IL17RD: variants seen among roughly 807,000 people sequenced by gnomAD.
IL17RD encodes the protein interleukin-17 receptor D.
A neutral mutation model predicts 80.5 loss-of-function variants in IL17RD; 52 were observed. That is an observed-to-expected ratio of 0.65 (90% confidence interval 0.52 to 0.81). The LOEUF (loss-of-function observed/expected upper bound fraction) is 0.81, where lower values mean the gene tolerates loss of function less well. Among genes scored for constraint, IL17RD ranks in the 40% least tolerant of loss-of-function variants. IL17RD has a pLI of 0.00. For synonymous variants in IL17RD, 416 were observed against 391.8 expected (o/e 1.06, Z -0.73); for missense variants, 1,024 against 955.1 (o/e 1.07, Z -0.95).
intron 1 of IL17RD, among the ~76,000 whole-genome samples, chr3:57,163,792 G>T (rs1480367379): frequency 2.3e-5 from 2 of 88,642 alleles, no homozygotes; most frequent in African/African-American, 1.4e-4. Context: ...GGGCGGGGGG[G>T]CGGGGGGGGA....
upstream of IL17RD, among the ~76,000 whole-genome samples, chr3:57,167,997 A>AT (rs2060355241): frequency 1.3e-5 from 2 of 151,940 alleles, no homozygotes; most frequent in African/African-American, 4.8e-5. Context: ...CACCCAGCTA[A>AT]TTTTTTGTAT....
intron 1 of IL17RD, among the ~76,000 whole-genome samples, chr3:57,152,156 G>A (rs574758623): frequency 3.6e-4 from 55 of 152,202 alleles, no homozygotes; most frequent in African/African-American, 1.3e-3. Context: ...TGTGACCAGA[G>A]CAAACGAGAC....
intron 1 of IL17RD, among the ~76,000 whole-genome samples, chr3:57,159,538 C>T (rs1449662191): frequency 6.6e-6 from 1 of 152,220 alleles, no homozygotes; most frequent in Non-Finnish European, 1.5e-5. Flanking sequence ...CCATTCAGAA[C>T]ATCCAAGCAG....
intron 1 of IL17RD, among the ~76,000 whole-genome samples, chr3:57,145,883 A>G (rs1218645960): frequency 6.6e-6 from 1 of 152,218 alleles, no homozygotes; most frequent in Non-Finnish European, 1.5e-5. Flanking sequence ...AGTGACCTCA[A>G]TGAGACAGCC....
chr3:57,098,157 G>C lies in IL17RD; in HGVS notation c.1546C>G (p.His516Asp), dbSNP rs1429007553. Reference sequence around the variant, plus strand: ...TGCTGCCCCGGCTCCTGGAGGCCGTGGTCTCGGGAGTGCAAGTGGGAACAG... The same window carrying C: ...TGCTGCCCCGGCTCCTGGAGGCCGTCGTCTCGGGAGTGCAAGTGGGAACAG... ...QLCSHLHSRD[H>D]GLQEPGQHTR... is the part of the protein sequence containing the mutation. Residue 516 changes from histidine to aspartate, a missense_variant, in exon 12 of 13, where the codon CAC becomes GAC. By Grantham distance (81) the His-to-Asp change is moderately conservative. Coordinates refer to ENST00000296318, the MANE Select transcript of IL17RD (RefSeq NM_017563.5). The C allele has an allele frequency of 1.9e-6, 3 of 1,613,884 alleles. No individual in the cohort carries two copies. The highest frequency in any genetic ancestry group is 2.5e-6 in the Non-Finnish European group (3 of 1,179,890).
Position 57,097,604 on chromosome 3 carries a change from G to A in IL17RD, c.2099C>T (p.Ser700Leu), listed in dbSNP as rs1269963026. 1 of 1,573,116 alleles carries A rather than the reference G, an allele frequency of 6.4e-7. No individual in the cohort carries two copies. The highest frequency in any genetic ancestry group is 8.6e-7 in the Non-Finnish European group (1 of 1,159,438). The change falls in exon 12 of 13, where the codon TCA becomes TTA. Residue 700 changes from serine to leucine, a missense_variant. Transcript: ENST00000296318. ...CCCCAAAGGCACCTTACCCAGGCCT[G>A]AAGAGGAGGACACGCTCTCCGTCAG... is the stretch of plus-strand genomic sequence containing the variant. ...SSLTESVSSS[S>L]GLGEEEPPAL...
Position 57,165,311 on chromosome 3 carries a change from C to G in IL17RD, c.-25G>C, listed in dbSNP as rs1236948928. On this transcript the variant is annotated 5_prime_UTR_variant, in exon 1 of 13. Transcript: ENST00000296318. ...TGGCCGTGCGCTCGCCCAGCCAGGC[C>G]GTTCTCTGCGCCCCGGCCGCCCGCC... is the stretch of plus-strand genomic sequence containing the variant. The G allele has an allele frequency of 2.7e-5, 37 of 1,368,138 alleles. No individual in the cohort carries two copies. Among genetic ancestry groups the G allele is most frequent in the South Asian group, 3.5e-5 (2 of 57,664 alleles). 84.7% of individuals were successfully genotyped at this position (1,368,138 alleles called of 1,614,324 possible).
chr3:57,147,427 C>T (rs796624318), intron 1 of IL17RD, among the ~76,000 whole-genome samples: 1 of 152,212 alleles, frequency 6.6e-6, no homozygotes, highest in Non-Finnish European at 1.5e-5. Context: ...TCTCAAAACA[C>T]AATTCCTCCC....
upstream of IL17RD, among the ~76,000 whole-genome samples, chr3:57,166,504 AAAAC>A (rs6147832): frequency 0.018 from 2,747 of 150,922 alleles, 86 homozygotes; most frequent in African/African-American, 0.059. Flanking sequence ...CCTGTCTCTA[AAAAC>A]AAACAAACAA....
intron 2 of IL17RD, among the ~76,000 whole-genome samples, chr3:57,115,841 A>G (rs1707203952): frequency 6.6e-6 from 1 of 152,216 alleles, no homozygotes. Flanking sequence ...CTCTGAAGCC[A>G]GGGTGTTTTT....
intron 1 of IL17RD, among the ~76,000 whole-genome samples, chr3:57,152,879 A>G (rs2060237938): frequency 6.6e-6 from 1 of 152,232 alleles, no homozygotes; most frequent in South Asian, 2.1e-4. Flanking sequence ...ATGTTTTCTT[A>G]GCACAAAGGA....
chr3:57,122,056 C>T (rs1165854244), intron 1 of IL17RD, among the ~76,000 whole-genome samples: 1 of 152,182 alleles, frequency 6.6e-6, no homozygotes, highest in African/African-American at 2.4e-5. Flanking sequence ...AATTTCAAAT[C>T]ACACCCTGGC....
Position 57,097,629 on chromosome 3 carries a change from G to A in IL17RD, c.2074C>T (p.Leu692=), listed in dbSNP as rs745772105. The A allele has an allele frequency of 8.2e-6, 13 of 1,589,820 alleles. No individual in the cohort carries two copies. The Admixed American group carries it at 2.1e-4, about 26-fold the overall frequency. ...GAAGAGGAGGACACGCTCTCCGTCA[G>A]GGAAGACGTTTCTGTCTGGTCCGTC... ...LSTDQTETSS[L]TESVSSSSGL... The change falls in exon 12 of 13, where the codon CTG becomes TTG. Residue 692 remains leucine (L), a synonymous_variant. Transcript: ENST00000296318.
chr3:57,109,617 G>A lies in IL17RD; in HGVS notation c.470C>T (p.Thr157Met), dbSNP rs200321574. Residue 157 changes from threonine (T) to methionine (M), a missense_variant, in exon 5 of 13, where the codon ACG becomes ATG. By Grantham distance (81) the Thr-to-Met change is moderately conservative (BLOSUM62 -1). Transcript: ENST00000296318. Reference sequence around the variant, plus strand: ...AGGGACAACCTTTACGAAATAATCCGTTTCAAATTTCATATTCAGGAAAGG... The same window carrying A: ...AGGGACAACCTTTACGAAATAATCCATTTCAAATTTCATATTCAGGAAAGG... ...SQPFLNMKFE[T>M]DYFVKVVPFP... The A allele has an allele frequency of 2.9e-5, 46 of 1,612,938 alleles. No homozygotes were observed. Among genetic ancestry groups the A allele is most frequent in the Middle Eastern group, 1.7e-4 (1 of 6,060 alleles).
At chr3:57,150,302 C>T (rs144681557) in intron 1 of IL17RD, 1 of 152,256 alleles carries the variant, frequency 6.6e-6, no homozygotes, top group Non-Finnish European at 1.5e-5. Context: ...TTCCACCCCC[C>T]ATTAGTTGCT....
intron 1 of IL17RD, among the ~76,000 whole-genome samples, chr3:57,164,460 C>T (rs2060331169): frequency 6.6e-6 from 1 of 152,238 alleles, no homozygotes; most frequent in Non-Finnish European, 1.5e-5. Flanking sequence ...GTCTCAGGCA[C>T]CTCACCCAGA....
At chr3:57,127,711 T>C (rs1707525385) in intron 1 of IL17RD, among the ~76,000 whole-genome samples, 1 of 152,070 alleles carries the variant, frequency 6.6e-6, no homozygotes, top group South Asian at 2.1e-4. Context: ...CCAGCCATAC[T>C]TTCTGTTTTT....
intron 1 of IL17RD, among the ~76,000 whole-genome samples, chr3:57,155,561 G>A (rs531726925): frequency 1.3e-5 from 2 of 152,316 alleles, no homozygotes; most frequent in East Asian, 3.9e-4. Flanking sequence ...ACTGCCACAT[G>A]ATTAGCCAAT....
At chr3:57,154,283 T>TATATATATATACACACACACAC (rs904157398) in intron 1 of IL17RD, among the ~76,000 whole-genome samples, 2 of 112,908 alleles carry the variant, frequency 1.8e-5, no homozygotes, top group African/African-American at 6.3e-5. Flanking sequence ...TATATATATA[T>TATATATATATACACACACACAC]ACACACACAC....
Sources: allele counts gnomAD v4.1 joint callset (sites outside exome capture counted in the v4.1 genomes callset), GRCh38; gene constraint gnomAD v4.1.1; transcripts MANE v1.5; gene names NCBI Gene and HGNC (gene_info 2026-07-23, HGNC 2026-07-21).